ZFAT: variants seen among roughly 807,000 people sequenced by gnomAD.
The protein encoded by ZFAT is zinc finger protein ZFAT.
In ZFAT, 64 loss-of-function variants were observed where a neutral mutation model predicts 117.7. That is an observed-to-expected ratio of 0.54 (90% CI 0.44 to 0.67). The LOEUF (loss-of-function observed/expected upper bound fraction) is 0.67, where lower values mean the gene tolerates loss of function less well. ZFAT is among the 30% of genes least tolerant of loss of function. The pLI, the probability that ZFAT is intolerant of heterozygous loss-of-function variation, is 0.00. For missense variants in ZFAT, 1,433 were observed against 1,584.5 expected (o/e 0.90, Z 1.62); for synonymous variants, 679 against 615.0 (o/e 1.10, Z -1.54).
At chr8:134,818,255 C>T in the ZFAT span, among the ~76,000 whole-genome samples, 1 of 152,084 alleles carries the variant, frequency 6.6e-6, no homozygotes, top group Non-Finnish European at 1.5e-5. Context: ...AGGATTTATA[C>T]ATAAGAACCC....
chr8:134,512,047 G>C (rs568188605), intron 14 of ZFAT, among the ~76,000 whole-genome samples: 1 of 152,226 alleles, frequency 6.6e-6, no homozygotes, highest in South Asian at 2.1e-4. Context: ...GTGACAAGAA[G>C]TTAGGAGACC....
At chr8:134,483,681 C>T (rs562447639) in intron 15 of ZFAT, among the ~76,000 whole-genome samples, 1 of 152,146 alleles carries the variant, frequency 6.6e-6, no homozygotes, top group South Asian at 2.1e-4. Context: ...ATAGATAGCT[C>T]GATAGAAACC....
At chr8:134,573,743 G>A (rs1360428356) in intron 10 of ZFAT, among the ~76,000 whole-genome samples, 3 of 152,238 alleles carry the variant, frequency 2.0e-5, no homozygotes, top group Non-Finnish European at 4.4e-5. Context: ...ACTTTCAAGT[G>A]TTCTTTTGGA....
chr8:134,653,453 CAG>C (rs1365516301), intron 2 of ZFAT, among the ~76,000 whole-genome samples: 2 of 98,040 alleles, frequency 2.0e-5, no homozygotes, highest in African/African-American at 4.0e-5. Flanking sequence ...TTTTTAGAGA[CAG>C]AGTCCCATTA....
intron 1 of ZFAT, among the ~76,000 whole-genome samples, chr8:134,706,204 G>T (rs1412009331): frequency 6.6e-6 from 1 of 152,144 alleles, no homozygotes; most frequent in Non-Finnish European, 1.5e-5. Flanking sequence ...CCACAAAAAG[G>T]CTTGTACGGG....
chr8:134,565,314 T>G lies in ZFAT; in HGVS notation c.2976+19A>C, dbSNP rs927883903. ...CTTTTTTGTCTGAACATCTGCCTTC[T>G]TCTCCAGAGCCCTCTTACCTTGAAG... On this transcript the variant is annotated intron_variant, in intron 11 of 15. Coordinates refer to ENST00000377838, the MANE Select transcript of ZFAT (RefSeq NM_020863.4). 1 of 1,612,194 alleles carries G rather than the reference T, an allele frequency of 6.2e-7. No individual in the cohort carries two copies. Among genetic ancestry groups the G allele is most frequent in the African/African-American group, 1.3e-5 (1 of 74,794 alleles).
At chr8:134,719,192 TA>T in the ZFAT span, among the ~76,000 whole-genome samples, 1 of 152,166 alleles carries the variant, frequency 6.6e-6, no homozygotes, top group Non-Finnish European at 1.5e-5. Context: ...CATATGCATA[TA>T]CTGCCTTTTC....
chr8:134,636,030 G>A (rs1830191183), intron 3 of ZFAT, among the ~76,000 whole-genome samples: 1 of 152,188 alleles, frequency 6.6e-6, no homozygotes, highest in African/African-American at 2.4e-5. Flanking sequence ...CTTTATGAGA[G>A]GGAACAGTGT....
rs919237704 is a variant in ZFAT at position 134,670,798 on chromosome 8, C to T, written c.20-13061G>A. On this transcript the variant is annotated intron_variant, in intron 1 of 15. Coordinates refer to ENST00000377838, the MANE Select transcript of ZFAT (RefSeq NM_020863.4). ...AGAAACACAAAAAAACCTTCAAAAA[C>T]TCAATGAATCCAGGAGCTGGTTTTT... Among the ~76,000 whole-genome samples the T allele has an allele frequency of 1.1e-4, 16 of 152,242 alleles. No homozygotes were observed. The South Asian group carries it at 2.5e-3, about 24-fold the overall frequency.
intron 5 of ZFAT, among the ~76,000 whole-genome samples, chr8:134,604,123 G>A (rs1343842318): frequency 6.6e-6 from 1 of 152,230 alleles, no homozygotes; most frequent in Non-Finnish European, 1.5e-5. Context: ...TGTGCTGAAT[G>A]AGATGGTAAT....
chr8:134,499,389 G>A (rs1272273398), intron 15 of ZFAT, among the ~76,000 whole-genome samples: 1 of 149,388 alleles, frequency 6.7e-6, no homozygotes, highest in African/African-American at 2.5e-5. Flanking sequence ...GGGTTGTGGT[G>A]GAGCTGGGAT....
chr8:134,716,374 T>G (rs1814212006), upstream of ZFAT, among the ~76,000 whole-genome samples: 1 of 152,204 alleles, frequency 6.6e-6, no homozygotes. Flanking sequence ...AATCTCACTA[T>G]GAACATAATT....
the ZFAT span, among the ~76,000 whole-genome samples, chr8:134,822,250 A>ATGGTAG: frequency 1.6e-3 from 243 of 152,272 alleles, 2 homozygotes; most frequent in African/African-American, 5.7e-3. Flanking sequence ...CAAATTTCCC[A>ATGGTAG]TGGTAGACTA....
At chr8:134,730,353 C>G in the ZFAT span, among the ~76,000 whole-genome samples, 1 of 152,220 alleles carries the variant, frequency 6.6e-6, no homozygotes, top group East Asian at 1.9e-4. Flanking sequence ...TAAAGGTGCA[C>G]GTGGCACAGT....
rs1047707553 is a variant in ZFAT, at chr8:134,601,885, G to C, written c.1834C>G (p.Pro612Ala). 6.2e-7 allele frequency: 1 copy of C among 1,613,360 alleles called. No individual in the cohort carries two copies. Among genetic ancestry groups the C allele is most frequent in the Non-Finnish European group, 8.5e-7 (1 of 1,179,720 alleles). ...TGCTGCATGTCTGGGGGCTTCTCAGGAGCAGCATGAGCCTCTGCGGAGGAG... is the reference window on the plus strand; with the variant it reads ...TGCTGCATGTCTGGGGGCTTCTCAGCAGCAGCATGAGCCTCTGCGGAGGAG... Reference protein sequence around the residue: ...DTSSAEAHAAPEKPPDMQHRS... With the variant: ...DTSSAEAHAAAEKPPDMQHRS... The change falls in exon 6 of 16, where the codon CCT becomes GCT. Residue 612 changes from proline to alanine, a missense_variant. Physicochemically the swap from Pro to Ala is conservative, Grantham distance 27. Coordinates refer to ENST00000377838, the MANE Select transcript of ZFAT (RefSeq NM_020863.4).
At chr8:134,741,449 C>CT in the ZFAT span, among the ~76,000 whole-genome samples, 1 of 152,186 alleles carries the variant, frequency 6.6e-6, no homozygotes, top group Non-Finnish European at 1.5e-5. Context: ...ATTCTTTACT[C>CT]TTTTTCTTGG....
At chr8:134,668,234 C>T (rs1181092529) in intron 1 of ZFAT, among the ~76,000 whole-genome samples, 1 of 152,186 alleles carries the variant, frequency 6.6e-6, no homozygotes, top group Non-Finnish European at 1.5e-5. Flanking sequence ...TAAAAATGTC[C>T]CTGTCTGACA....
chr8:134,554,323 A>G (rs1357516204), intron 11 of ZFAT, among the ~76,000 whole-genome samples: 1 of 152,228 alleles, frequency 6.6e-6, no homozygotes, highest in African/African-American at 2.4e-5. Flanking sequence ...CTGATCTCAC[A>G]CTAACAACTT....
chr8:134,710,006 C>G (rs186751552), intron 1 of ZFAT, among the ~76,000 whole-genome samples: 84 of 152,348 alleles, frequency 5.5e-4, no homozygotes, highest in African/African-American at 1.9e-3. Flanking sequence ...AATTAGCTGA[C>G]CATGAGTTGA....
Sources: allele counts gnomAD v4.1 joint callset (sites outside exome capture counted in the v4.1 genomes callset), GRCh38; gene constraint gnomAD v4.1.1; transcripts MANE v1.5; gene names NCBI Gene and HGNC (gene_info 2026-07-23, HGNC 2026-07-21).